ORC4: variants seen among roughly 807,000 people sequenced by gnomAD.
ORC4 encodes the protein origin recognition complex subunit 4.
Under a neutral mutation model 63.9 loss-of-function variants are expected in ORC4, and 55 were observed. The ratio of observed to expected loss-of-function variants is 0.86; its 90% confidence interval spans 0.69 to 1.08. The LOEUF (loss-of-function observed/expected upper bound fraction) is 1.08, where lower values mean the gene tolerates loss of function less well. Ranked by LOEUF, ORC4 falls within the 50% of genes least tolerant of loss-of-function variation. The pLI, the probability that ORC4 is intolerant of heterozygous loss-of-function variation, is 0.00. For synonymous variants in ORC4, 150 were observed against 168.5 expected, an observed-to-expected ratio of 0.89 and a Z score of 0.85; for missense variants, 511 against 504.4, an observed-to-expected ratio of 1.01 and a Z score of -0.13.
intron 1 of ORC4, among the ~76,000 whole-genome samples, chr2:147,995,483 T>C (rs1233228798): frequency 6.6e-6 from 1 of 152,154 alleles, no homozygotes; most frequent in Non-Finnish European, 1.5e-5. Flanking sequence ...TGGGGTCCCC[T>C]TCCACGCTGT....
rs754262252 is a variant in ORC4, at chr2:147,958,294, T to A, written c.387+4A>T. The A allele has an allele frequency of 5.1e-6, 8 of 1,575,128 alleles. No homozygotes were observed. The highest frequency in any genetic ancestry group is 6.1e-6 in the Non-Finnish European group (7 of 1,145,322). On this transcript the variant is annotated splice_donor_region_variant and intron_variant, in intron 6 of 13. Coordinates refer to ENST00000392857, the MANE Select transcript of ORC4 (RefSeq NM_181741.4). Reference sequence around the variant, plus strand: ...TTTAATAAAATAACTGAAATGATACTTACAAAAACTTTATCTCCAACTACA... The same window carrying A: ...TTTAATAAAATAACTGAAATGATACATACAAAAACTTTATCTCCAACTACA...
intron 4 of ORC4, among the ~76,000 whole-genome samples, chr2:147,967,075 T>C (rs1010282241): frequency 1.3e-5 from 2 of 151,802 alleles, no homozygotes; most frequent in Non-Finnish European, 2.9e-5. Flanking sequence ...ATCAATAGAA[T>C]GGAGGCCAGA....
chr2:148,003,821 G>A (rs1056814377), intron 1 of ORC4, among the ~76,000 whole-genome samples: 3 of 152,038 alleles, frequency 2.0e-5, no homozygotes, highest in Non-Finnish European at 4.4e-5. Flanking sequence ...AAGTCAAATT[G>A]TCTGTTTGCA....
chr2:148,021,355 A>C (rs1573919277), upstream of ORC4: 3 of 385,282 alleles, frequency 7.8e-6, no homozygotes, highest in African/African-American at 2.1e-5. Context: ...CTACCCCCTC[A>C]CCCCTCCAAC....
intron 1 of ORC4, among the ~76,000 whole-genome samples, chr2:147,984,488 G>A (rs1012943292): frequency 6.6e-6 from 1 of 152,088 alleles, no homozygotes; most frequent in Non-Finnish European, 1.5e-5. Flanking sequence ...AGTTTTTGGG[G>A]AGGCAAAAGT....
Position 147,945,688 on chromosome 2 carries a change from C to T in ORC4, c.763-2166G>A, listed in dbSNP as rs1450952573. ...TCAAATTAGGCAGGATATCAAGGTT[C>T]AATCTTATCCTGAAGATATTTCTTG... is the stretch of plus-strand genomic sequence containing the variant. On this transcript the variant is annotated intron_variant, in intron 9 of 13. Coordinates refer to ENST00000392857, the MANE Select transcript of ORC4 (RefSeq NM_181741.4). Among the ~76,000 whole-genome samples the T allele has an allele frequency of 2.0e-5, 3 of 152,112 alleles. No homozygotes were observed. In the East Asian group the frequency reaches 5.8e-4, roughly 29 times the overall value.
intron 1 of ORC4, among the ~76,000 whole-genome samples, chr2:147,994,951 C>G (rs375004463): frequency 1.3e-5 from 2 of 152,146 alleles, no homozygotes; most frequent in East Asian, 3.9e-4. Context: ...CTTCCTGGGT[C>G]GAGTGGGGAC....
intron 1 of ORC4, among the ~76,000 whole-genome samples, chr2:148,009,700 A>G (rs1400371501): frequency 1.3e-5 from 2 of 152,204 alleles, no homozygotes; most frequent in African/African-American, 2.4e-5. Flanking sequence ...TTTAATCTGC[A>G]CTATAGATTA....
Position 147,952,530 on chromosome 2 carries a change from A to G in ORC4, c.437-6T>C, listed in dbSNP as rs1280982506. 8.8e-6 allele frequency: 14 copies of G among 1,593,014 alleles called. No homozygotes were observed. The highest frequency in any genetic ancestry group is 1.2e-5 in the Non-Finnish European group (14 of 1,160,966). On this transcript the variant is annotated splice_region_variant and splice_polypyrimidine_tract_variant and intron_variant, in intron 7 of 13. Transcript: ENST00000392857. ...GCAACTGCTAGTTCGGTCACCTAAG[A>G]TAAAATAAGAGCATTACATTAATAA...
At chr2:148,006,120 C>T (rs1256442894) in intron 1 of ORC4, among the ~76,000 whole-genome samples, 5 of 152,166 alleles carry the variant, frequency 3.3e-5, no homozygotes, top group African/African-American at 7.2e-5. Flanking sequence ...ACTACACCAA[C>T]CCTCCTCCAA....
chr2:148,019,050 G>A (rs569883813), intron 1 of ORC4, among the ~76,000 whole-genome samples: 2 of 138,272 alleles, frequency 1.4e-5, no homozygotes, highest in South Asian at 4.6e-4. Flanking sequence ...TGCCTTGCTG[G>A]TATTTTTTTT....
intron 8 of ORC4, chr2:147,951,582 A>T (rs139017602): frequency 4.5e-4 from 68 of 152,342 alleles, no homozygotes; most frequent in African/African-American, 1.6e-3. Flanking sequence ...GTCATGCAGC[A>T]TGAAAACCCT....
At chr2:147,959,928 T>C (rs17219071) in intron 4 of ORC4, among the ~76,000 whole-genome samples, 519 of 152,278 alleles carry the variant, frequency 3.4e-3, no homozygotes, top group East Asian at 8.3e-3. Flanking sequence ...TCAGACACTA[T>C]AATAAGAGTA....
In ORC4 at chr2:147,942,919, A is replaced by G. The variant is rs566365698; in HGVS notation, c.849+517T>C. Among the ~76,000 whole-genome samples the G allele has an allele frequency of 1.6e-3, 251 of 152,266 alleles. 1 individual carries two copies. Among genetic ancestry groups the G allele is most frequent in the African/African-American group, 5.6e-3 (231 of 41,558 alleles). ...TAAGTCAATCACATTTCTATATATT[A>G]ATGTGTATATATATAATCAATCACA... On this transcript the variant is annotated intron_variant, in intron 10 of 13. Coordinates refer to ENST00000392857, the MANE Select transcript of ORC4 (RefSeq NM_181741.4).
At chr2:148,009,570 G>C (rs923305161) in intron 1 of ORC4, among the ~76,000 whole-genome samples, 2 of 152,112 alleles carry the variant, frequency 1.3e-5, no homozygotes, top group Non-Finnish European at 2.9e-5. Context: ...GAAGCATCTA[G>C]ATATATAGAG....
intron 13 of ORC4, among the ~76,000 whole-genome samples, chr2:147,937,758 A>G (rs1262177513): frequency 6.6e-6 from 1 of 152,176 alleles, no homozygotes; most frequent in Non-Finnish European, 1.5e-5. Context: ...CTTTCTCTGT[A>G]TGCCCTCACA....
intron 1 of ORC4, among the ~76,000 whole-genome samples, chr2:147,999,412 T>C (rs1159802083): frequency 1.3e-5 from 2 of 152,190 alleles, no homozygotes; most frequent in Non-Finnish European, 2.9e-5. Flanking sequence ...ATCAGACTTA[T>C]ACCCTAAAGC....
At chr2:148,021,344 C>G (rs1166521508), upstream of ORC4, 6 of 400,494 alleles carry the variant, frequency 1.5e-5, no homozygotes, top group Admixed American at 8.5e-5. Context: ...ATCCACGACT[C>G]CTACCCCCTC....
intron 11 of ORC4, 80 bp downstream of exon 11, chr2:147,939,060 A>G: frequency 1.2e-6 from 1 of 866,968 alleles, no homozygotes. Flanking sequence ...GCCCACGTTA[A>G]TTGTAATTTT....
Sources: allele counts gnomAD v4.1 joint callset (sites outside exome capture counted in the v4.1 genomes callset), GRCh38; gene constraint gnomAD v4.1.1; transcripts MANE v1.5; gene names NCBI Gene and HGNC (gene_info 2026-07-23, HGNC 2026-07-21).